The following CHAF1A variants were observed in gnomAD, a reference collection of about 807,000 sequenced individuals.
CHAF1A encodes chromatin assembly factor 1 subunit A.
Under a neutral mutation model 93.2 loss-of-function variants are expected in CHAF1A, and 5 were observed. That is an observed-to-expected ratio of 0.05 (90% CI 0.03 to 0.11). The LOEUF (loss-of-function observed/expected upper bound fraction) is 0.11, where lower values mean the gene tolerates loss of function less well. CHAF1A is among the 10% of genes least tolerant of loss of function. The pLI is 1.00. For missense variants in CHAF1A, 1,102 were observed against 1,259.9 expected, an observed-to-expected ratio of 0.87 and a Z score of 1.90; for synonymous variants, 504 against 510.3, an observed-to-expected ratio of 0.99 and a Z score of 0.17.
chr19:4,442,517 T>C (rs1268019242), intron 14 of CHAF1A, among the ~76,000 whole-genome samples, 176 bp downstream of exon 14: 2 of 152,178 alleles, frequency 1.3e-5, no homozygotes, highest in Admixed American at 6.5e-5. Flanking sequence ...CCGTGGGTGC[T>C]GACCATGCCA....
At chr19:4,450,781 A>G in the CHAF1A span, 1 of 150,970 alleles carries the variant, frequency 6.6e-6, no homozygotes, top group African/African-American at 2.4e-5. Context: ...AAAAAAAAAA[A>G]AAAAAGAGTG....
downstream of CHAF1A, chr19:4,446,517 C>T: frequency 6.2e-7 from 1 of 1,610,620 alleles, no homozygotes. Flanking sequence ...TCTGCTCCCG[C>T]TTGATCTCCT....
intron 1 of CHAF1A, among the ~76,000 whole-genome samples, chr19:4,404,712 A>G (rs890628756): frequency 3.3e-5 from 5 of 152,214 alleles, no homozygotes; most frequent in Non-Finnish European, 7.3e-5. Context: ...ATTAACCAAA[A>G]TAACTAAACT....
Position 4,411,127 on chromosome 19 carries a change from G to A in CHAF1A, c.960+1368G>A, listed in dbSNP as rs535927612. Among the ~76,000 whole-genome samples, 10 of 152,288 alleles carry A rather than the reference G, an allele frequency of 6.6e-5. No homozygotes were observed. In the South Asian group the frequency reaches 1.9e-3, roughly 28 times the overall value. ...TCTTTATATGAGAGTAGTAGATCCT[G>A]AGATGGGTCATTTAATCTGTACCTG... On this transcript the variant is annotated intron_variant, in intron 3 of 14. Transcript: ENST00000301280.
At chr19:4,432,968 C>G (rs1974214101) in intron 12 of CHAF1A, 102 bp from the exon 13 acceptor site, 1 of 987,758 alleles carries the variant, frequency 1.0e-6, no homozygotes, top group Admixed American at 2.7e-5. Context: ...GGCCATGCCC[C>G]AAGCCTCGGT....
At chr19:4,402,920 C>A in intron 1 of CHAF1A, 106 bp downstream of exon 1, 1 of 683,190 alleles carries the variant, frequency 1.5e-6, no homozygotes, top group Non-Finnish European at 2.0e-6. Context: ...AAGCCTGGTC[C>A]TGCGGGCCGG....
chr19:4,443,141 G>C lies in CHAF1A; in HGVS notation c.*116G>C, dbSNP rs1568185632. Reference sequence around the variant, plus strand: ...GTCCTGCTTCACGGACCTCCCCAAAGTGTGCAGAGTTCTATATAGGATGCT... The same window carrying C: ...GTCCTGCTTCACGGACCTCCCCAAACTGTGCAGAGTTCTATATAGGATGCT... On this transcript the variant is annotated 3_prime_UTR_variant, in exon 15 of 15. Transcript: ENST00000301280. 5 of 743,100 alleles carry C rather than the reference G, an allele frequency of 6.7e-6. No individual in the cohort carries two copies. The highest frequency in any genetic ancestry group is 9.7e-6 in the Non-Finnish European group (4 of 411,002). The allele number at this position is 743,100 out of a possible 1,614,324, so 46.0% of individuals were successfully genotyped here. A position where few individuals can be genotyped will look rare whatever the true frequency, so the allele number is the denominator to read the frequency against.
chr19:4,409,274 G>C lies in CHAF1A; in HGVS notation c.475G>C (p.Gly159Arg), dbSNP rs768303127. The C allele has an allele frequency of 1.6e-5, 26 of 1,614,024 alleles. No homozygotes were observed. Among genetic ancestry groups the C allele is most frequent in the Non-Finnish European group, 1.7e-6 (2 of 1,180,024 alleles). Reference protein sequence around the residue: ...GQREDTGDQQGLLKAIQNDKL... With the variant: ...GQREDTGDQQRLLKAIQNDKL... ...GCGAGAAGACACTGGGGATCAGCAGGGGTTGTTGAAGGCCATTCAGAACGA... is the reference window on the plus strand; with the variant it reads ...GCGAGAAGACACTGGGGATCAGCAGCGGTTGTTGAAGGCCATTCAGAACGA... Residue 159 changes from glycine (G) to arginine (R), a missense_variant, in exon 3 of 15, where the codon GGG (glycine) becomes CGG (arginine). Gly to Arg is a moderately radical substitution (Grantham distance 125). Around this residue, in one of 6 missense-constraint regions of CHAF1A, gnomAD observed 379 missense variants for 365.7 expected, o/e 1.04. Transcript: ENST00000301280.
intron 7 of CHAF1A, among the ~76,000 whole-genome samples, chr19:4,425,934 T>G (rs1012470352): frequency 6.6e-6 from 1 of 152,206 alleles, no homozygotes; most frequent in Non-Finnish European, 1.5e-5. Context: ...TTTTTAAAAA[T>G]TGACATTGTT....
chr19:4,432,096 G>C lies in CHAF1A; in HGVS notation c.2092G>C (p.Gly698Arg), dbSNP rs753505204. 6.2e-7 allele frequency: 1 copy of C among 1,614,044 alleles called. No homozygotes were observed. Among genetic ancestry groups the C allele is most frequent in the Non-Finnish European group, 8.5e-7 (1 of 1,180,024 alleles). Residue 698 changes from glycine (G) to arginine (R), a missense_variant, in exon 12 of 15, where the codon GGC (glycine) becomes CGC (arginine). Gly to Arg is a moderately radical substitution (Grantham distance 125). Transcript: ENST00000301280. ...GTGGGCGGCTGACAGAGACTGCGCA[G>C]GCGATGACCTGAAGGTACTGCAGCA... is the stretch of plus-strand genomic sequence containing the variant. ...CVWAADRDCA[G>R]DDLKVLQQFA...
rs750175446 is a variant in CHAF1A, at chr19:4,442,940, G to T, written c.2786G>T (p.Cys929Phe). The T allele has an allele frequency of 5.0e-6, 8 of 1,599,252 alleles. No individual in the cohort carries two copies. The change falls in exon 15 of 15, where the codon TGT becomes TTT. Residue 929 changes from cysteine to phenylalanine, a missense_variant. By Grantham distance (205) the Cys-to-Phe change is radical (BLOSUM62 -2). Transcript: ENST00000301280. ...VPDAAEVQAPCGAASGAGGGV... is the reference protein window; with the variant it reads ...VPDAAEVQAPFGAASGAGGGV... ...TGCCCTGCAGAGGTCCAAGCCCCGT[G>T]TGGAGCCGCTTCCGGAGCTGGGGGT... is the stretch of plus-strand genomic sequence containing the variant.
intron 13 of CHAF1A, among the ~76,000 whole-genome samples, chr19:4,441,302 C>T (rs1016391314): frequency 6.6e-6 from 1 of 150,864 alleles, no homozygotes; most frequent in African/African-American, 2.4e-5. Flanking sequence ...GGATATATGG[C>T]AAGACTCTGT....
In CHAF1A at chr19:4,405,930, G is replaced by A. The variant is rs1384446090; in HGVS notation, c.71G>A (p.Arg24Lys). The A allele has an allele frequency of 6.2e-7, 1 of 1,613,580 alleles. No individual in the cohort carries two copies. The highest frequency in any genetic ancestry group is 8.5e-7 in the Non-Finnish European group (1 of 1,179,630). Residue 24 changes from arginine to lysine, a missense_variant, in exon 2 of 15, where the codon AGA becomes AAA. Physicochemically the swap from Arg to Lys is conservative, Grantham distance 26. This residue lies in a region of CHAF1A where 28 missense variants were observed against 56.5 expected (regional missense o/e 0.50). Transcript: ENST00000301280. ...GAATAMDCKD[R>K]PAFPVKKLIQ... Reference sequence around the variant, plus strand: ...TTTGCAGCCATGGATTGCAAAGATAGACCAGCTTTTCCAGTTAAGAAGTTA... The same window carrying A: ...TTTGCAGCCATGGATTGCAAAGATAAACCAGCTTTTCCAGTTAAGAAGTTA...
Position 4,402,813 on chromosome 19 carries a change from A to C in CHAF1A, c.51A>C (p.Thr17=). The C allele has an allele frequency of 8.3e-7, 1 of 1,203,200 alleles. No individual in the cohort carries two copies. The highest frequency in any genetic ancestry group is 1.0e-6 in the Non-Finnish European group (1 of 969,524). 74.5% of individuals were successfully genotyped at this position (1,203,200 alleles called of 1,614,324 possible). Residue 17 remains threonine, a splice_region_variant and synonymous_variant, in exon 1 of 15, where the codon ACA becomes ACC. Transcript: ENST00000301280. ...CGCCCGGCGCCAGGGGAGCCGCCACAGGTCGGTTCGGGCCCGCGCCGAGGG... is the reference window on the plus strand; with the variant it reads ...CGCCCGGCGCCAGGGGAGCCGCCACCGGTCGGTTCGGGCCCGCGCCGAGGG... ...CGAPGARGAA[T]AMDCKDRPAF...
At chr19:4,406,740 T>C (rs1306777607) in intron 2 of CHAF1A, among the ~76,000 whole-genome samples, 1 of 152,100 alleles carries the variant, frequency 6.6e-6, no homozygotes, top group Non-Finnish European at 1.5e-5. Flanking sequence ...GCCCAGATTG[T>C]ATTTTTAGAA....
At position 4,422,293 on chromosome 19, in the gene CHAF1A, C is replaced by T. The variant is rs990335692; in HGVS notation, c.1018-273C>T. ...CCTCCCAAAGTGCTGGGATTACAGGCGTGAACCACCGCGCGCAGCCAATTT... is the reference window on the plus strand; with the variant it reads ...CCTCCCAAAGTGCTGGGATTACAGGTGTGAACCACCGCGCGCAGCCAATTT... On this transcript the variant is annotated intron_variant, in intron 4 of 14. Coordinates refer to ENST00000301280, the MANE Select transcript of CHAF1A (RefSeq NM_005483.3). This position sits in a 1 kb window ranked among gnomAD's most constrained non-coding sequence, Gnocchi z 4.6. Among the ~76,000 whole-genome samples the T allele has an allele frequency of 2.0e-5, 3 of 151,812 alleles. No homozygotes were observed. Among genetic ancestry groups the T allele is most frequent in the Non-Finnish European group, 2.9e-5 (2 of 68,018 alleles).
In CHAF1A at chr19:4,424,006, C is replaced by A. The variant is rs926258126; in HGVS notation, c.1377+132C>A. On this transcript the variant is annotated intron_variant, in intron 7 of 14. Coordinates refer to ENST00000301280, the MANE Select transcript of CHAF1A (RefSeq NM_005483.3). ...GAGCCTCCAGTGACCTAGGGCACTT[C>A]CATTTCTGGTTAAGTCTTGAGGCTC... 40 of 752,038 alleles carry A rather than the reference C, an allele frequency of 5.3e-5. No individual in the cohort carries two copies. The African/African-American group carries it at 6.5e-4, about 12-fold the overall frequency. The allele number at this position is 752,038 out of a possible 1,614,324, so 46.6% of individuals were successfully genotyped here.
At chr19:4,438,985 A>G (rs1435214650) in intron 13 of CHAF1A, among the ~76,000 whole-genome samples, 2 of 151,918 alleles carry the variant, frequency 1.3e-5, no homozygotes, top group Non-Finnish European at 2.9e-5. Flanking sequence ...CTGTCTCAAA[A>G]AAAAAGCATA....
rs1186600242 is a variant in CHAF1A, at chr19:4,433,655, C to T, written c.2673+116C>T. ...CTGCTCTGTCACCCAGGCTGGAGTGCAGTGGCGCAATCTCAGCTCACTGCA... is the reference window on the plus strand; with the variant it reads ...CTGCTCTGTCACCCAGGCTGGAGTGTAGTGGCGCAATCTCAGCTCACTGCA... On this transcript the variant is annotated intron_variant, in intron 13 of 14. Coordinates refer to ENST00000301280, the MANE Select transcript of CHAF1A (RefSeq NM_005483.3). This position sits in a 1 kb window ranked among gnomAD's most constrained non-coding sequence, Gnocchi z 5.6. 4 of 828,922 alleles carry T rather than the reference C, an allele frequency of 4.8e-6. No individual in the cohort carries two copies. Among genetic ancestry groups the T allele is most frequent in the Non-Finnish European group, 5.6e-6 (3 of 538,492 alleles). The allele number at this position is 828,922 out of a possible 1,614,324, so 51.3% of individuals were successfully genotyped here.
Sources: allele counts gnomAD v4.1 joint callset (sites outside exome capture counted in the v4.1 genomes callset), GRCh38; gene constraint gnomAD v4.1.1; regional missense constraint gnomAD v4.1.1; non-coding constraint Gnocchi (gnomAD v3.1); transcripts MANE v1.5; gene names NCBI Gene and HGNC (gene_info 2026-07-23, HGNC 2026-07-21).